The following GFRA2 variants were observed in gnomAD, a reference collection of about 807,000 sequenced individuals.
The protein encoded by GFRA2 is GDNF family receptor alpha-2.
Under a neutral mutation model 48.3 loss-of-function variants are expected in GFRA2, and 17 were observed. The ratio of observed to expected loss-of-function variants is 0.35; its 90% CI spans 0.24 to 0.53. The LOEUF is 0.53. GFRA2 is among the 20% of genes least tolerant of loss of function. The pLI is 0.93. For missense variants in GFRA2, 660 were observed against 637.3 expected, an observed-to-expected ratio of 1.04 and a Z score of -0.38; for synonymous variants, 305 against 257.2, an observed-to-expected ratio of 1.19 and a Z score of -1.78.
At chr8:21,804,663 G>T (rs1208730166) in intron 2 of GFRA2, among the ~76,000 whole-genome samples, 1 of 152,156 alleles carries the variant, frequency 6.6e-6, no homozygotes, top group African/African-American at 2.4e-5. Context: ...CCTCAGATTT[G>T]TCTGCTTTTC....
At chr8:21,790,013 C>G, upstream of GFRA2, 1 of 945,272 alleles carries the variant, frequency 1.1e-6, no homozygotes, top group Non-Finnish European at 1.3e-6. Flanking sequence ...TGGGGGGTTC[C>G]TCCTCCCCTA....
rs370434173 is a variant in GFRA2 at position 21,730,046 on chromosome 8, AG to A, written c.794+20541del. ...GACCTCGAGGGCCTCTCTTGGTGGG[AG>A]GGGGGGCCTCATAAAGGTGTTTCCT... On this transcript the variant is annotated intron_variant, in intron 4 of 8. Transcript: ENST00000524240. Among the ~76,000 whole-genome samples the A allele has an allele frequency of 1.8e-3, 274 of 151,836 alleles. 1 individual carries two copies. The highest frequency in any genetic ancestry group is 6.7e-3 in the South Asian group (32 of 4,766).
intron 4 of GFRA2, among the ~76,000 whole-genome samples, chr8:21,737,723 G>A (rs1046338170): frequency 4.6e-5 from 7 of 151,954 alleles, no homozygotes; most frequent in African/African-American, 1.2e-4. Context: ...TCTGGTCCCC[G>A]CCGCAGGACC....
chr8:21,695,067 G>A (rs745794485), intron 7 of GFRA2, among the ~76,000 whole-genome samples: 8 of 152,202 alleles, frequency 5.3e-5, no homozygotes, highest in Non-Finnish European at 8.8e-5. Context: ...AGTGATGTCT[G>A]CCACTGGTCC....
rs1435636419 is a variant in GFRA2, at chr8:21,690,489, A to C, written c.*2789T>G. The C allele has an allele frequency of 6.6e-6, 1 of 152,258 alleles. No homozygotes were observed. The highest frequency in any genetic ancestry group is 1.5e-5 in the Non-Finnish European group (1 of 68,050). 9.4% of individuals were successfully genotyped at this position (152,258 alleles called of 1,614,324 possible). Reference sequence around the variant, plus strand: ...GGAATCATCTCAACCAAAGGAATGAATACCTAATGGTAAAATTTCAGCCAT... The same window carrying C: ...GGAATCATCTCAACCAAAGGAATGACTACCTAATGGTAAAATTTCAGCCAT... On this transcript the variant is annotated 3_prime_UTR_variant, in exon 9 of 9. Coordinates refer to ENST00000524240, the MANE Select transcript of GFRA2 (RefSeq NM_001495.5).
chr8:21,743,100 C>A (rs907346704), intron 4 of GFRA2, among the ~76,000 whole-genome samples: 1 of 152,178 alleles, frequency 6.6e-6, no homozygotes, highest in Non-Finnish European at 1.5e-5. Flanking sequence ...GAGGGTCACT[C>A]GGGGACCCTT....
At chr8:21,710,503 C>A (rs1802969596) in intron 4 of GFRA2, among the ~76,000 whole-genome samples, 1 of 152,106 alleles carries the variant, frequency 6.6e-6, no homozygotes, top group Non-Finnish European at 1.5e-5. Flanking sequence ...TCTACCATAC[C>A]CCAGCCTGCT....
In GFRA2 at chr8:21,771,620, G is replaced by A. The variant is rs778389456; in HGVS notation, c.439+3352C>T. On this transcript the variant is annotated intron_variant, in intron 3 of 8. Transcript: ENST00000524240. ...CAACAGAATCCCAGTACGACTTTCC[G>A]AGAACCCCAACAGAAAGAGATGAAG... Among the ~76,000 whole-genome samples the A allele has an allele frequency of 1.4e-3, 219 of 152,270 alleles. 2 individuals are homozygous for A. Among genetic ancestry groups the A allele is most frequent in the African/African-American group, 3.4e-3 (142 of 41,558 alleles).
At chr8:21,695,000 T>TA (rs1802085348) in intron 7 of GFRA2, among the ~76,000 whole-genome samples, 1 of 152,168 alleles carries the variant, frequency 6.6e-6, no homozygotes, top group Non-Finnish European at 1.5e-5. Context: ...GAGGGCTCTA[T>TA]ATAAAAAGAT....
At chr8:21,779,861 C>T (rs1806888796) in intron 2 of GFRA2, 1 of 152,268 alleles carries the variant, frequency 6.6e-6, no homozygotes, top group African/African-American at 2.4e-5. Flanking sequence ...CACTTCCTCC[C>T]TCCCTCCCAG....
At chr8:21,757,474 T>C (rs1307889668) in intron 3 of GFRA2, among the ~76,000 whole-genome samples, 1 of 152,184 alleles carries the variant, frequency 6.6e-6, no homozygotes, top group Non-Finnish European at 1.5e-5. Context: ...TCTACTAATG[T>C]TTAATTGATT....
At chr8:21,696,190 C>T (rs1275084505) in intron 7 of GFRA2, among the ~76,000 whole-genome samples, 1 of 144,534 alleles carries the variant, frequency 6.9e-6, no homozygotes, top group African/African-American at 2.6e-5. Context: ...TCCCCTCTCC[C>T]TCTCCCTCTG....
intron 4 of GFRA2, among the ~76,000 whole-genome samples, chr8:21,746,696 T>A (rs996634991): frequency 6.6e-6 from 1 of 151,580 alleles, no homozygotes; most frequent in African/African-American, 2.4e-5. Flanking sequence ...GTCCTGACCC[T>A]CCCAATACTT....
At chr8:21,786,087 G>T (rs1279058291) in intron 1 of GFRA2, among the ~76,000 whole-genome samples, 1 of 152,226 alleles carries the variant, frequency 6.6e-6, no homozygotes, top group Non-Finnish European at 1.5e-5. Context: ...CTGAAGGGCT[G>T]TGGAGCAAGG....
chr8:21,740,953 C>G (rs934800264), intron 4 of GFRA2, among the ~76,000 whole-genome samples: 3 of 152,222 alleles, frequency 2.0e-5, no homozygotes, highest in Non-Finnish European at 4.4e-5. Context: ...CCACTTATCT[C>G]TCTCCACCTG....
chr8:21,781,162 G>C (rs893896350), intron 2 of GFRA2, among the ~76,000 whole-genome samples: 1 of 152,044 alleles, frequency 6.6e-6, no homozygotes, highest in Non-Finnish European at 1.5e-5. Context: ...TCCTGGTTCC[G>C]CCACAACTGT....
chr8:21,783,008 C>G, intron 1 of GFRA2, 109 bp from the exon 2 acceptor site: 1 of 1,023,200 alleles, frequency 9.8e-7, no homozygotes. Context: ...ACCCATTTCG[C>G]CAAAGCACAC....
intron 4 of GFRA2, among the ~76,000 whole-genome samples, chr8:21,740,203 G>A (rs943836942): frequency 2.6e-5 from 4 of 152,078 alleles, no homozygotes; most frequent in Non-Finnish European, 4.4e-5. Context: ...TGCCTTCCTC[G>A]ACCTCACTCC....
upstream of GFRA2, among the ~76,000 whole-genome samples, chr8:21,792,687 T>C (rs1807596208): frequency 6.6e-6 from 1 of 152,152 alleles, no homozygotes; most frequent in Non-Finnish European, 1.5e-5. Context: ...AAGCTGGAGC[T>C]GGAAGGATGG....
Sources: allele counts gnomAD v4.1 joint callset (sites outside exome capture counted in the v4.1 genomes callset), GRCh38; gene constraint gnomAD v4.1.1; transcripts MANE v1.5; gene names NCBI Gene and HGNC (gene_info 2026-07-23, HGNC 2026-07-21).